The following CNTNAP5 variants were observed in gnomAD, a reference collection of about 807,000 sequenced individuals.
CNTNAP5 encodes contactin associated protein family member 5.
A neutral mutation model predicts 150.2 loss-of-function variants in CNTNAP5; 72 were observed. That is an observed-to-expected ratio of 0.48 (90% CI 0.40 to 0.58). CNTNAP5 has a LOEUF of 0.58. Ranked by LOEUF, CNTNAP5 falls within the 20% of genes least tolerant of loss-of-function variation. The pLI is 0.00. For synonymous variants in CNTNAP5, 672 were observed against 619.8 expected (o/e 1.08, Z -1.25); for missense variants, 1,636 against 1,626.2 (o/e 1.01, Z -0.10).
At chr2:124,281,841 C>T (rs1688020629) in intron 3 of CNTNAP5, among the ~76,000 whole-genome samples, 1 of 152,182 alleles carries the variant, frequency 6.6e-6, no homozygotes, top group Non-Finnish European at 1.5e-5. Flanking sequence ...TCCTCAGGCT[C>T]AGGCCGAACA....
At chr2:124,387,462 G>A (rs773934819) in intron 3 of CNTNAP5, among the ~76,000 whole-genome samples, 4 of 152,240 alleles carry the variant, frequency 2.6e-5, no homozygotes, top group Non-Finnish European at 4.4e-5. Flanking sequence ...CGAAAAGAGA[G>A]TCAGCGAAGG....
chr2:124,508,296 C>T (rs1039208123), intron 8 of CNTNAP5, among the ~76,000 whole-genome samples: 3 of 152,084 alleles, frequency 2.0e-5, no homozygotes, highest in African/African-American at 7.2e-5. Context: ...ATTAGATTTC[C>T]AGTAATGGAG....
At chr2:124,798,726 G>A (rs1681901268) in intron 19 of CNTNAP5, among the ~76,000 whole-genome samples, 1 of 152,128 alleles carries the variant, frequency 6.6e-6, no homozygotes, top group Non-Finnish European at 1.5e-5. Context: ...ATACATGCAG[G>A]CTGTATTAAT....
At chr2:124,144,074 C>A (rs1684186808) in intron 1 of CNTNAP5, among the ~76,000 whole-genome samples, 1 of 145,174 alleles carries the variant, frequency 6.9e-6, no homozygotes, top group Admixed American at 7.0e-5. Context: ...ACCTAGGAAT[C>A]CAACTTACAA....
rs191903846 is a variant in CNTNAP5, at chr2:124,566,039, G to A, written c.1756+2716G>A. 5.3e-5 allele frequency among the ~76,000 whole-genome samples: 8 copies of A among 150,188 alleles called. 1 individual carries two copies. The highest frequency in any genetic ancestry group is 2.0e-4 in the African/African-American group (8 of 40,746). ...GCTAAAATTATGTGTTTTTATCTAA[G>A]AGTCCCAGTAAACACCAATCTCTAG... On this transcript the variant is annotated intron_variant, in intron 11 of 23. Transcript: ENST00000682447.
At chr2:124,156,004 A>T (rs1684519108) in intron 1 of CNTNAP5, among the ~76,000 whole-genome samples, 1 of 152,208 alleles carries the variant, frequency 6.6e-6, no homozygotes, top group Admixed American at 6.5e-5. Context: ...CCTCGTATAA[A>T]ACAGAAGCCC....
At chr2:124,281,637 G>A (rs1489231850) in intron 3 of CNTNAP5, among the ~76,000 whole-genome samples, 1 of 152,100 alleles carries the variant, frequency 6.6e-6, no homozygotes, top group Non-Finnish European at 1.5e-5. Context: ...ACAAGAAGAA[G>A]CCAACAACTT....
At chr2:124,718,778 C>T (rs1558749261) in intron 13 of CNTNAP5, among the ~76,000 whole-genome samples, 1 of 151,894 alleles carries the variant, frequency 6.6e-6, no homozygotes, top group Non-Finnish European at 1.5e-5. Context: ...CCCGTCTCTA[C>T]TAAAAAAACA....
At chr2:124,419,946 T>C (rs1382320862) in intron 4 of CNTNAP5, among the ~76,000 whole-genome samples, 10 of 126,940 alleles carry the variant, frequency 7.9e-5, no homozygotes, top group African/African-American at 2.7e-4. Context: ...CTTTCTTTCT[T>C]TCTTTCTTTC....
intron 3 of CNTNAP5, among the ~76,000 whole-genome samples, chr2:124,306,161 T>A (rs1233062036): frequency 1.3e-5 from 2 of 152,158 alleles, no homozygotes; most frequent in Admixed American, 1.3e-4. Context: ...AGCTTGTAAT[T>A]GAAGACTACA....
chr2:124,847,568 T>C (rs1683075341), intron 19 of CNTNAP5, among the ~76,000 whole-genome samples: 2 of 152,168 alleles, frequency 1.3e-5, no homozygotes, highest in Non-Finnish European at 2.9e-5. Context: ...CAAGCCGACT[T>C]ACAGGCTTTT....
intron 19 of CNTNAP5, among the ~76,000 whole-genome samples, chr2:124,855,510 C>A (rs17012087): frequency 0.19 from 29,196 of 151,766 alleles, 3,419 homozygotes; most frequent in African/African-American, 0.33. Flanking sequence ...CATATGGCCA[C>A]ATATGTGTTA....
intron 1 of CNTNAP5, among the ~76,000 whole-genome samples, chr2:124,216,166 G>A (rs1037334426): frequency 2.0e-5 from 3 of 152,152 alleles, no homozygotes; most frequent in African/African-American, 7.2e-5. Flanking sequence ...GATGGAAAGA[G>A]CTAAGGTGCT....
intron 13 of CNTNAP5, among the ~76,000 whole-genome samples, chr2:124,676,733 A>G (rs12711690): frequency 0.57 from 86,086 of 152,102 alleles, 25,305 homozygotes; most frequent in African/African-American, 0.66. Flanking sequence ...CTAAGTGAAG[A>G]AGGAAGGGAG....
At chr2:124,599,959 C>CTT (rs1351009946) in intron 11 of CNTNAP5, among the ~76,000 whole-genome samples, 3 of 148,370 alleles carry the variant, frequency 2.0e-5, no homozygotes, top group African/African-American at 7.4e-5. Flanking sequence ...AGAACCATGT[C>CTT]TTTTTTTTTT....
chr2:124,590,994 T>C (rs1696666856), intron 11 of CNTNAP5, among the ~76,000 whole-genome samples: 1 of 152,162 alleles, frequency 6.6e-6, no homozygotes, highest in South Asian at 2.1e-4. Context: ...ACTATTTTCC[T>C]CAAAAATGAA....
At chr2:124,150,336 A>C (rs1156652114) in intron 1 of CNTNAP5, among the ~76,000 whole-genome samples, 1 of 152,226 alleles carries the variant, frequency 6.6e-6, no homozygotes, top group Non-Finnish European at 1.5e-5. Flanking sequence ...TTGTGCATTC[A>C]TTGACTAACT....
At chr2:124,449,091 A>G (rs1364918687) in intron 6 of CNTNAP5, among the ~76,000 whole-genome samples, 1 of 152,218 alleles carries the variant, frequency 6.6e-6, no homozygotes, top group Non-Finnish European at 1.5e-5. Context: ...TATCATGAGA[A>G]TAAGAGAGCT....
At chr2:124,806,109 T>C (rs1682075491) in intron 19 of CNTNAP5, among the ~76,000 whole-genome samples, 1 of 152,192 alleles carries the variant, frequency 6.6e-6, no homozygotes, top group African/African-American at 2.4e-5. Context: ...TATGGTGTAG[T>C]TGGCTTCAGA....
Sources: allele counts gnomAD v4.1 joint callset (sites outside exome capture counted in the v4.1 genomes callset), GRCh38; gene constraint gnomAD v4.1.1; transcripts MANE v1.5; gene names NCBI Gene and HGNC (gene_info 2026-07-23, HGNC 2026-07-21).